Variants in INSL6 observed in about 807,000 individuals in gnomAD.
The protein encoded by INSL6 is insulin like 6, also known as insulin-like peptide INSL6.
Under a neutral mutation model 9.4 loss-of-function variants are expected in INSL6, and 16 were observed. The ratio of observed to expected loss-of-function variants is 1.70; its 90% CI spans 1.15 to 2.59. The LOEUF is 2.59. Among genes scored for constraint, INSL6 ranks in the 30% most tolerant of loss-of-function variants. The pLI is 0.00. For missense variants in INSL6, 391 were observed against 257.3 expected (o/e 1.52, Z -3.56); for synonymous variants, 154 against 96.9 (o/e 1.59, Z -3.46).
chr9:5,053,786 T>C, the INSL6 span, among the ~76,000 whole-genome samples: 162 of 152,072 alleles, frequency 1.1e-3, 1 homozygote, highest in African/African-American at 3.8e-3. Context: ...GGATTCTACA[T>C]CTAATATGCC....
chr9:5,111,875 C>T, the INSL6 span: 1 of 375,216 alleles, frequency 2.7e-6, no homozygotes, highest in Admixed American at 3.3e-5. Context: ...CGAGGGACCA[C>T]AGCCAGCAGC....
At chr9:5,085,183 C>A in the INSL6 span, 1 of 656,014 alleles carries the variant, frequency 1.5e-6, no homozygotes, top group South Asian at 1.4e-5. Context: ...CAAACTGAAC[C>A]ATCTCATGAT....
the INSL6 span, among the ~76,000 whole-genome samples, chr9:5,043,621 CAT>C: frequency 6.6e-6 from 1 of 152,136 alleles, no homozygotes; most frequent in Non-Finnish European, 1.5e-5. Context: ...GAAATGAAAA[CAT>C]ATCCACAAAA....
At chr9:5,133,263 A>G (rs1824325614) in intron 3 of INSL6, among the ~76,000 whole-genome samples, 1 of 152,120 alleles carries the variant, frequency 6.6e-6, no homozygotes, top group African/African-American at 2.4e-5. Context: ...ACACTACTTT[A>G]GAGTGTGCTC....
the INSL6 span, among the ~76,000 whole-genome samples, chr9:5,063,528 A>G: frequency 6.6e-6 from 1 of 152,076 alleles, no homozygotes; most frequent in Admixed American, 6.6e-5. Flanking sequence ...TCTAAATCTC[A>G]TGTTTGCCCT....
the INSL6 span, chr9:5,114,376 T>C: frequency 5.7e-6 from 3 of 527,002 alleles, no homozygotes; most frequent in South Asian, 5.1e-5. Flanking sequence ...ACGTTCACCA[T>C]CACGTCCACC....
At chr9:5,112,619 C>G in the INSL6 span, 14 of 948,414 alleles carry the variant, frequency 1.5e-5, no homozygotes, top group African/African-American at 2.0e-4. Context: ...CATGTGGCAA[C>G]TGCACCTCAA....
intron 1 of INSL6, among the ~76,000 whole-genome samples, chr9:5,181,463 CT>C (rs1166845970): frequency 2.0e-5 from 3 of 151,922 alleles, no homozygotes; most frequent in East Asian, 1.9e-4. Flanking sequence ...GAAAAAAAGA[CT>C]TACTGAGAAA....
chr9:5,042,364 C>T, the INSL6 span, among the ~76,000 whole-genome samples: 22 of 151,912 alleles, frequency 1.4e-4, 1 homozygote, highest in South Asian at 4.2e-4. Context: ...GTCTCGATCT[C>T]CTGACCTCAT....
chr9:5,112,972 C>G, the INSL6 span: 1 of 193,958 alleles, frequency 5.2e-6, no homozygotes, highest in South Asian at 1.6e-4. Context: ...CAGCATTGAG[C>G]CAACACCGAC....
intron 1 of INSL6, among the ~76,000 whole-genome samples, chr9:5,184,305 G>A (rs1468085464): frequency 1.3e-5 from 2 of 152,124 alleles, no homozygotes; most frequent in Non-Finnish European, 2.9e-5. Flanking sequence ...CAAATCAACT[G>A]AATTACTGTA....
chr9:5,134,004 G>A (rs1293066521), intron 2 of INSL6, among the ~76,000 whole-genome samples: 2 of 152,122 alleles, frequency 1.3e-5, no homozygotes, highest in Admixed American at 1.3e-4. Flanking sequence ...GAACATAAAT[G>A]ACATAATGGA....
chr9:5,131,693 A>C (rs1305322769), intron 3 of INSL6, among the ~76,000 whole-genome samples: 1 of 151,738 alleles, frequency 6.6e-6, no homozygotes, highest in African/African-American at 2.4e-5. Context: ...AACCGCCTCA[A>C]CCTCCCAAAG....
chr9:5,159,889 T>C (rs1234779471), downstream of INSL6, among the ~76,000 whole-genome samples: 2 of 152,214 alleles, frequency 1.3e-5, no homozygotes, highest in Non-Finnish European at 2.9e-5. Flanking sequence ...AGACCACATG[T>C]GGCCAGGTGT....
chr9:5,109,174 T>G, the INSL6 span: 1 of 152,156 alleles, frequency 6.6e-6, no homozygotes, highest in Admixed American at 6.5e-5. Flanking sequence ...TGAGGGACAC[T>G]TACATATTAC....
the INSL6 span, among the ~76,000 whole-genome samples, chr9:5,064,025 G>T: frequency 6.6e-6 from 1 of 152,018 alleles, no homozygotes; most frequent in Non-Finnish European, 1.5e-5. Context: ...GCGTCTTGGC[G>T]TGTGCCTGTA....
chr9:5,147,619 G>C (rs1343573466), intron 2 of INSL6, among the ~76,000 whole-genome samples: 1 of 152,030 alleles, frequency 6.6e-6, no homozygotes, highest in Non-Finnish European at 1.5e-5. Flanking sequence ...AATGAGACTG[G>C]GGAAATTTGA....
At chr9:5,110,274 C>G in the INSL6 span, 2 of 152,186 alleles carry the variant, frequency 1.3e-5, no homozygotes, top group Non-Finnish European at 2.9e-5. Context: ...AGAAAATAAC[C>G]TCTGAACCCA....
At chr9:5,050,819 A>G in the INSL6 span, 7 of 1,613,394 alleles carry the variant, frequency 4.3e-6, no homozygotes, top group East Asian at 6.7e-5. Flanking sequence ...CTGGCCATCT[A>G]TAACTCTATC....
Sources: allele counts gnomAD v4.1 joint callset (sites outside exome capture counted in the v4.1 genomes callset), GRCh38; gene constraint gnomAD v4.1.1; transcripts MANE v1.5; gene names NCBI Gene and HGNC (gene_info 2026-07-23, HGNC 2026-07-21).